Variants in C8orf34 observed in about 807,000 individuals in gnomAD.
C8orf34 encodes chromosome 8 open reading frame 34.
In C8orf34, 65 loss-of-function variants were observed where a neutral mutation model predicts 68.3. The observed-to-expected ratio is 0.95, with a 90% CI of 0.78 to 1.17. C8orf34 has a LOEUF of 1.17. C8orf34 is among the 50% of genes most tolerant of loss of function. The probability of loss-of-function intolerance (pLI) is 0.00; values close to 1 mark genes in which losing one functional copy is unlikely to be tolerated. For missense variants in C8orf34, 664 were observed against 655.4 expected, an observed-to-expected ratio of 1.01 and a Z score of -0.14; for synonymous variants, 244 against 241.2, an observed-to-expected ratio of 1.01 and a Z score of -0.11.
At chr8:68,617,419 G>A (rs1319782257) in intron 7 of C8orf34, among the ~76,000 whole-genome samples, 3 of 152,184 alleles carry the variant, frequency 2.0e-5, no homozygotes, top group African/African-American at 7.2e-5. Flanking sequence ...GCAGTGGCTG[G>A]TACTGGTTGT....
chr8:68,769,261 C>G (rs1470558390), intron 10 of C8orf34, among the ~76,000 whole-genome samples: 1 of 151,678 alleles, frequency 6.6e-6, no homozygotes, highest in Non-Finnish European at 1.5e-5. Flanking sequence ...ATGTTTGTCA[C>G]TTTCCTAAGA....
intron 7 of C8orf34, among the ~76,000 whole-genome samples, chr8:68,555,668 C>T (rs768501081): frequency 5.9e-5 from 9 of 151,994 alleles, no homozygotes; most frequent in Non-Finnish European, 5.9e-5. Context: ...AGGGATGTAT[C>T]AATAATAATG....
At chr8:68,716,852 T>C (rs16919108) in intron 9 of C8orf34, among the ~76,000 whole-genome samples, 13,416 of 151,874 alleles carry the variant, frequency 0.088, 637 homozygotes, top group Middle Eastern at 0.15. Flanking sequence ...GATAGGGAAA[T>C]GGATAAATTG....
At chr8:68,746,929 C>A (rs1164178557) in intron 10 of C8orf34, among the ~76,000 whole-genome samples, 1 of 151,458 alleles carries the variant, frequency 6.6e-6, no homozygotes, top group Non-Finnish European at 1.5e-5. Flanking sequence ...GAGACACAAC[C>A]AAAAAAGAGA....
chr8:68,337,076 G>A (rs1328005759), intron 1 of C8orf34, among the ~76,000 whole-genome samples: 1 of 152,050 alleles, frequency 6.6e-6, no homozygotes, highest in Non-Finnish European at 1.5e-5. Context: ...TTACTACTTG[G>A]CAACCATCTG....
intron 8 of C8orf34, among the ~76,000 whole-genome samples, chr8:68,693,598 C>A (rs1820743921): frequency 6.6e-6 from 1 of 152,024 alleles, no homozygotes; most frequent in Non-Finnish European, 1.5e-5. Context: ...TTTAATTATG[C>A]TGGAGACTAA....
intron 7 of C8orf34, among the ~76,000 whole-genome samples, chr8:68,633,357 A>C (rs1344382654): frequency 6.6e-6 from 1 of 152,160 alleles, no homozygotes; most frequent in African/African-American, 2.4e-5. Flanking sequence ...TTGCTTTCTT[A>C]TGTATTTCTT....
chr8:68,450,004 A>G (rs1461855225), intron 3 of C8orf34, among the ~76,000 whole-genome samples: 1 of 152,164 alleles, frequency 6.6e-6, no homozygotes, highest in African/African-American at 2.4e-5. Flanking sequence ...TCACTGCTTT[A>G]TCAACTAAGT....
rs868403565 is a variant in C8orf34, at chr8:68,794,502, T to C, written c.1549+6966T>C. Among the ~76,000 whole-genome samples, 12 of 72,104 alleles carry C rather than the reference T, an allele frequency of 1.7e-4. 1 individual carries two copies. Among genetic ancestry groups the C allele is most frequent in the African/African-American group, 7.1e-4 (10 of 14,094 alleles). The allele number at this position is 72,104 out of a possible 152,430, so 47.3% of individuals were successfully genotyped here. ...ATATAAATATATATATATATATATA[T>C]ATATTTTTTTTTTTTTTTTTTAGAC... On this transcript the variant is annotated intron_variant, in intron 12 of 13. Coordinates refer to ENST00000518698, the MANE Select transcript of C8orf34 (RefSeq NM_052958.4).
At chr8:68,535,528 T>A in intron 7 of C8orf34, 1 of 919,100 alleles carries the variant, frequency 1.1e-6, no homozygotes. Flanking sequence ...AAAATCCTTT[T>A]AGTTGAACTA....
chr8:68,438,622 G>A (rs968562796), intron 1 of C8orf34: 12 of 152,128 alleles, frequency 7.9e-5, no homozygotes, highest in Non-Finnish European at 1.5e-4. Context: ...AAGATGAAAT[G>A]TGACTGATAT....
chr8:68,446,262 T>A, intron 2 of C8orf34, 67 bp from the exon 3 acceptor site: 1 of 1,359,894 alleles, frequency 7.4e-7, no homozygotes, highest in Admixed American at 2.3e-5. Context: ...AATGACTTCG[T>A]GGACTTGGTT....
At chr8:68,483,647 C>T (rs993135012) in intron 4 of C8orf34, among the ~76,000 whole-genome samples, 8 of 152,190 alleles carry the variant, frequency 5.3e-5, no homozygotes, top group African/African-American at 1.9e-4. Context: ...CAGAAGTCAA[C>T]ATGGCAGATT....
chr8:68,433,104 C>T (rs1810515209), intron 1 of C8orf34, among the ~76,000 whole-genome samples: 1 of 152,052 alleles, frequency 6.6e-6, no homozygotes, highest in Non-Finnish European at 1.5e-5. Context: ...ACGCTCATTA[C>T]CTGCTTATTT....
At chr8:68,616,302 C>A (rs1356199420) in intron 7 of C8orf34, among the ~76,000 whole-genome samples, 1 of 152,098 alleles carries the variant, frequency 6.6e-6, no homozygotes, top group Non-Finnish European at 1.5e-5. Context: ...CAGTTCTGCT[C>A]TGATTTTACT....
chr8:68,794,958 T>C (rs1390341466), intron 12 of C8orf34, among the ~76,000 whole-genome samples: 1 of 152,194 alleles, frequency 6.6e-6, no homozygotes, highest in Non-Finnish European at 1.5e-5. Context: ...ATACTCTGTA[T>C]ATGTATATTC....
chr8:68,701,599 C>T (rs182977752), intron 8 of C8orf34, among the ~76,000 whole-genome samples: 3 of 152,078 alleles, frequency 2.0e-5, no homozygotes, highest in Non-Finnish European at 4.4e-5. Flanking sequence ...TGACCACACT[C>T]GTCTTTCACT....
At position 68,453,618 on chromosome 8, in the gene C8orf34, T is replaced by C. The variant is rs145622981; in HGVS notation, c.607+7158T>C. The stretch of plus-strand genomic sequence containing the variant: ...ATAAAACTGATTTTTGTATTTTGAT[T>C]TTATTTCCCAAAATTTTGCTGAACT... On this transcript the variant is annotated intron_variant, in intron 3 of 13. Coordinates refer to ENST00000518698, the MANE Select transcript of C8orf34 (RefSeq NM_052958.4). 2.1e-3 allele frequency among the ~76,000 whole-genome samples: 326 copies of C among 152,102 alleles called. 1 individual carries two copies. Among genetic ancestry groups the C allele is most frequent in the African/African-American group, 7.1e-3 (293 of 41,550 alleles).
At chr8:68,787,336 C>A in intron 11 of C8orf34, 107 bp from the exon 12 acceptor site, 1 of 630,138 alleles carries the variant, frequency 1.6e-6, no homozygotes, top group Non-Finnish European at 2.6e-6. Context: ...GGAAATTATT[C>A]TGATGGTTTT....
Sources: gnomAD v4.1 joint callset for allele counts (sites outside exome capture counted in the v4.1 genomes callset) on GRCh38, gnomAD v4.1.1 for gene constraint, MANE v1.5 for transcripts, NCBI Gene and HGNC (gene_info 2026-07-23, HGNC 2026-07-21) for gene names.